XIRP2: variants seen among roughly 807,000 people sequenced by gnomAD.
XIRP2 encodes xin actin-binding repeat-containing protein 2.
A neutral mutation model predicts 277.0 loss-of-function variants in XIRP2; 236 were observed. The observed-to-expected ratio is 0.85, with a 90% CI of 0.77 to 0.95. The LOEUF (loss-of-function observed/expected upper bound fraction) is 0.95. Ranked by LOEUF, XIRP2 falls within the 40% of genes least tolerant of loss-of-function variation. XIRP2 has a pLI of 0.00. For missense variants in XIRP2, 4,640 were observed against 4,157.5 expected (o/e 1.12, Z -3.19); for synonymous variants, 1,490 against 1,416.5 (o/e 1.05, Z -1.17).
At chr2:166,998,188 A>C (rs1284670303) in intron 2 of XIRP2, among the ~76,000 whole-genome samples, 6 of 152,216 alleles carry the variant, frequency 3.9e-5, no homozygotes. Flanking sequence ...GAACATACGC[A>C]TGCAAATCAC....
chr2:167,118,963 G>A (rs1690974841), intron 2 of XIRP2, among the ~76,000 whole-genome samples: 1 of 152,186 alleles, frequency 6.6e-6, no homozygotes, highest in Non-Finnish European at 1.5e-5. Context: ...CAGGAAAGGA[G>A]ATAAATTCAA....
At chr2:166,936,057 A>G (rs926296069) in intron 2 of XIRP2, among the ~76,000 whole-genome samples, 1 of 152,150 alleles carries the variant, frequency 6.6e-6, no homozygotes, top group Non-Finnish European at 1.5e-5. Flanking sequence ...ATTTCTCCAC[A>G]TCCTCTCCAG....
At chr2:167,212,862 C>G (rs943240550) in intron 4 of XIRP2, among the ~76,000 whole-genome samples, 1 of 151,716 alleles carries the variant, frequency 6.6e-6, no homozygotes, top group Admixed American at 6.6e-5. Context: ...TTTATTTAAT[C>G]ATGTGCATGA....
intron 2 of XIRP2, among the ~76,000 whole-genome samples, chr2:166,937,991 T>G (rs2105377038): frequency 6.6e-6 from 1 of 152,296 alleles, no homozygotes; most frequent in East Asian, 1.9e-4. Flanking sequence ...TCTCTTTTCT[T>G]GTTTATTAGC....
chr2:167,128,020 A>G (rs1691258752), intron 2 of XIRP2, among the ~76,000 whole-genome samples: 1 of 152,216 alleles, frequency 6.6e-6, no homozygotes, highest in Non-Finnish European at 1.5e-5. Context: ...GCCCACGATC[A>G]GTTTTCACTT....
intron 2 of XIRP2, among the ~76,000 whole-genome samples, chr2:167,081,205 C>A (rs1445670897): frequency 1.3e-5 from 2 of 152,142 alleles, no homozygotes; most frequent in Non-Finnish European, 2.9e-5. Context: ...GTGTCTCATG[C>A]CTATAATCCC....
In XIRP2 at chr2:167,258,767, A is replaced by T. The variant is rs779349900; in HGVS notation, c.*950A>T. On this transcript the variant is annotated 3_prime_UTR_variant, in exon 11 of 11. Transcript: ENST00000409195. ...TCTATTACCCTTGTCGAGTGAAGCA[A>T]ATGACACTGCAAATGAATATGAAAT... 2.5e-6 allele frequency: 4 copies of T among 1,613,354 alleles called. No homozygotes were observed. In the African/African-American group the frequency reaches 4.0e-5, roughly 16 times the overall value.
chr2:167,057,839 T>C (rs1482210869), intron 2 of XIRP2, among the ~76,000 whole-genome samples: 1 of 151,976 alleles, frequency 6.6e-6, no homozygotes, highest in Non-Finnish European at 1.5e-5. Context: ...ATTTAATATC[T>C]CAATAACTTG....
At chr2:167,210,250 A>T (rs1693984488) in intron 3 of XIRP2, among the ~76,000 whole-genome samples, 1 of 152,216 alleles carries the variant, frequency 6.6e-6, no homozygotes. Flanking sequence ...AGACTTGTTA[A>T]AGATTTTGTC....
At chr2:167,219,003 G>A (rs1264223029) in intron 5 of XIRP2, among the ~76,000 whole-genome samples, 2 of 152,000 alleles carry the variant, frequency 1.3e-5, no homozygotes, top group African/African-American at 4.8e-5. Context: ...GAGGAAGGAG[G>A]CAACTGAGGT....
intron 3 of XIRP2, among the ~76,000 whole-genome samples, chr2:167,152,306 C>T (rs1348398693): frequency 6.6e-6 from 1 of 152,004 alleles, no homozygotes; most frequent in Non-Finnish European, 1.5e-5. Flanking sequence ...CACAGGGACA[C>T]AGAGAGGAAT....
At chr2:167,012,094 T>C (rs1687695257) in intron 2 of XIRP2, among the ~76,000 whole-genome samples, 1 of 152,018 alleles carries the variant, frequency 6.6e-6, no homozygotes, top group Admixed American at 6.6e-5. Context: ...ATTTCTTGCC[T>C]TCTGCTAGTT....
intron 3 of XIRP2, among the ~76,000 whole-genome samples, chr2:167,165,220 T>C (rs1396462622): frequency 6.6e-6 from 1 of 152,228 alleles, no homozygotes; most frequent in Non-Finnish European, 1.5e-5. Flanking sequence ...TGTCTGGATA[T>C]GCCACCGCTT....
intron 2 of XIRP2, among the ~76,000 whole-genome samples, chr2:167,019,614 T>C (rs1687928032): frequency 6.6e-6 from 1 of 152,082 alleles, no homozygotes; most frequent in Admixed American, 6.6e-5. Context: ...CCTTCAGTCT[T>C]GAAATTCAAG....
intron 2 of XIRP2, among the ~76,000 whole-genome samples, chr2:167,126,912 C>A (rs76559880): frequency 0.011 from 1,689 of 152,264 alleles, 30 homozygotes; most frequent in African/African-American, 0.036. Flanking sequence ...GTGCTTAACA[C>A]CATGCCTGAT....
intron 2 of XIRP2, among the ~76,000 whole-genome samples, chr2:167,005,406 C>G (rs185659756): frequency 1.3e-5 from 2 of 151,894 alleles, no homozygotes; most frequent in Admixed American, 1.3e-4. Context: ...CACTGTAGTT[C>G]AAGTCCAACA....
At chr2:167,207,539 T>A (rs1693891881) in intron 3 of XIRP2, among the ~76,000 whole-genome samples, 1 of 152,200 alleles carries the variant, frequency 6.6e-6, no homozygotes, top group Non-Finnish European at 1.5e-5. Flanking sequence ...GTGTGTTTTT[T>A]AAATGTTTTA....
In XIRP2 at chr2:167,246,826, G is replaced by A. The variant is rs765866094; in HGVS notation, c.5434G>A (p.Asp1812Asn). ...TAGTGAAACTGACATCATCCCTGGA[G>A]ATGTGCATAACACAGTTAAGGTTTT... The part of the protein sequence containing the change: ...TVSETDIIPG[D>N]VHNTVKVFMT... Residue 1812 changes from aspartate to asparagine, a missense_variant, in exon 9 of 11, where the codon GAT becomes AAT. Transcript: ENST00000409195. 51 of 1,613,770 alleles carry A rather than the reference G, an allele frequency of 3.2e-5. No individual in the cohort carries two copies. Among genetic ancestry groups the A allele is most frequent in the Non-Finnish European group, 4.1e-5 (48 of 1,179,878 alleles).
At chr2:167,090,163 A>C (rs932877874) in intron 2 of XIRP2, among the ~76,000 whole-genome samples, 2 of 152,020 alleles carry the variant, frequency 1.3e-5, no homozygotes, top group Non-Finnish European at 2.9e-5. Flanking sequence ...TGAGAACCAC[A>C]CTTTAATAAC....
Sources: allele counts gnomAD v4.1 joint callset (sites outside exome capture counted in the v4.1 genomes callset), GRCh38; gene constraint gnomAD v4.1.1; transcripts MANE v1.5; gene names NCBI Gene and HGNC (gene_info 2026-07-23, HGNC 2026-07-21).